NEK9: variants seen among roughly 807,000 people sequenced by gnomAD.
NEK9 encodes the protein NIMA related kinase 9.
A neutral mutation model predicts 123.4 loss-of-function variants in NEK9; 75 were observed. The observed-to-expected ratio is 0.61, with a 90% CI of 0.50 to 0.74. NEK9 has a LOEUF of 0.74. Among genes scored for constraint, NEK9 ranks in the 30% least tolerant of loss-of-function variants. The pLI is 0.00. For missense variants in NEK9, 952 were observed against 1,214.4 expected (o/e 0.78, Z 3.21); for synonymous variants, 438 against 458.7 (o/e 0.95, Z 0.58).
At chr14:75,125,994 A>G (rs1313690236) in intron 1 of NEK9, among the ~76,000 whole-genome samples, 1 of 152,250 alleles carries the variant, frequency 6.6e-6, no homozygotes, top group African/African-American at 2.4e-5. Context: ...AAGGATGTGC[A>G]TATGTGCAAA....
rs1217564897 is a variant in NEK9 at position 75,097,233 on chromosome 14, G to A, written c.2040C>T (p.Gly680=). The change falls in exon 17 of 22, where the codon GGC becomes GGT. Residue 680 remains glycine (G), a synonymous_variant. Coordinates refer to ENST00000238616, the MANE Select transcript of NEK9 (RefSeq NM_033116.6). ...HIFAWGNGGN[G]RLAMTPTERP... is the part of the protein sequence containing the mutation. ...TCTCTGTGGGGGTCATTGCCAGGCG[G>A]CCATTACCACCATTGCCCCAGGCAA... 1 of 1,610,054 alleles carries A rather than the reference G, an allele frequency of 6.2e-7. No homozygotes were observed. The highest frequency in any genetic ancestry group is 8.5e-7 in the Non-Finnish European group (1 of 1,177,736).
intron 6 of NEK9, among the ~76,000 whole-genome samples, chr14:75,115,994 G>A (rs1895130253): frequency 6.6e-6 from 1 of 152,102 alleles, no homozygotes; most frequent in Admixed American, 6.5e-5. Context: ...CACCCACGAT[G>A]TGTTAGGTAT....
Position 75,097,208 on chromosome 14 carries a change from T to A in NEK9, c.2065A>T (p.Arg689Ter), listed in dbSNP as rs1480859335. The change falls in exon 17 of 22, where the codon AGA becomes TGA. Residue 689 changes from arginine (R) to a stop codon, truncating the protein, a stop_gained. Transcript: ENST00000238616. LOFTEE classifies it high-confidence loss of function. ...NGRLAMTPTE[R>*]PHGSDICTSW... ...GTACAGATATCAGAGCCATGTGGTCTCTCTGTGGGGGTCATTGCCAGGCGG... is the reference window on the plus strand; with the variant it reads ...GTACAGATATCAGAGCCATGTGGTCACTCTGTGGGGGTCATTGCCAGGCGG... 6.2e-7 allele frequency: 1 copy of A among 1,613,046 alleles called. No individual in the cohort carries two copies. Among genetic ancestry groups the A allele is most frequent in the East Asian group, 2.2e-5 (1 of 44,870 alleles).
At chr14:75,109,992 T>C in intron 9 of NEK9, 115 bp from the exon 10 acceptor site, 1 of 1,056,144 alleles carries the variant, frequency 9.5e-7, no homozygotes, top group East Asian at 2.5e-5. Flanking sequence ...GAAAGTATGT[T>C]CTTTCTCGAC....
intron 4 of NEK9, 102 bp from the exon 5 acceptor site, chr14:75,119,037 CG>C: frequency 1.4e-6 from 1 of 702,802 alleles, no homozygotes; most frequent in Non-Finnish European, 2.5e-6. Flanking sequence ...GAGTGTGGGC[CG>C]GGTACAGTGG....
At position 75,107,620 on chromosome 14, in the gene NEK9, C is replaced by T. The variant is rs886831232; in HGVS notation, c.1183-133G>A. 5 of 668,380 alleles carry T rather than the reference C, an allele frequency of 7.5e-6. No individual in the cohort carries two copies. The Admixed American group carries it at 1.1e-4, about 15-fold the overall frequency. 41.4% of individuals were successfully genotyped at this position (668,380 alleles called of 1,614,324 possible). ...CTGGGCTCAAGTGATCCTCCTGCCTCGGCTTCCCAAAGTGCTGGGATTGTA... is the reference window on the plus strand; with the variant it reads ...CTGGGCTCAAGTGATCCTCCTGCCTTGGCTTCCCAAAGTGCTGGGATTGTA... On this transcript the variant is annotated intron_variant, in intron 10 of 21. Transcript: ENST00000238616.
intron 12 of NEK9, chr14:75,106,283 C>T (rs1455354889): frequency 1.7e-5 from 9 of 533,370 alleles, no homozygotes; most frequent in Admixed American, 1.4e-4. Flanking sequence ...CACTCGAACT[C>T]GGGAGGTGGT....
intron 8 of NEK9, among the ~76,000 whole-genome samples, chr14:75,112,322 G>A (rs183233302): frequency 1.3e-5 from 2 of 152,330 alleles, no homozygotes; most frequent in African/African-American, 2.4e-5. Context: ...AATATTTAAC[G>A]AAGATAAATG....
intron 21 of NEK9, chr14:75,086,585 G>T (rs1201051310): frequency 6.0e-6 from 1 of 167,422 alleles, no homozygotes; most frequent in East Asian, 1.5e-4. Context: ...AGGCTTCTGG[G>T]ATTATAATTA....
At chr14:75,087,684 A>G (rs1373356139) in intron 20 of NEK9, among the ~76,000 whole-genome samples, 2 of 152,236 alleles carry the variant, frequency 1.3e-5, no homozygotes, top group African/African-American at 4.8e-5. Context: ...TAAGAAGGTG[A>G]ACTGACAGAG....
chr14:75,084,258 T>A lies in NEK9; in HGVS notation c.*306A>T, dbSNP rs1213500608. The A allele has an allele frequency of 3.3e-6, 1 of 303,764 alleles. No homozygotes were observed. The allele number at this position is 303,764 out of a possible 1,614,324, so 18.8% of individuals were successfully genotyped here. Reference sequence around the variant, plus strand: ...CTACCAGCGCAATTAAGGTGAGCACTGTGTCTCCTCTTCAAAGGTGGGATC... The same window carrying A: ...CTACCAGCGCAATTAAGGTGAGCACAGTGTCTCCTCTTCAAAGGTGGGATC... On this transcript the variant is annotated 3_prime_UTR_variant, in exon 22 of 22. Coordinates refer to ENST00000238616, the MANE Select transcript of NEK9 (RefSeq NM_033116.6).
chr14:75,113,191 C>T (rs1251419135), intron 8 of NEK9, 148 bp downstream of exon 8: 1 of 689,638 alleles, frequency 1.5e-6, no homozygotes, highest in African/African-American at 1.8e-5. Flanking sequence ...AGATGCCACC[C>T]CTAAGCAATA....
chr14:75,108,316 G>T (rs1894845400), intron 10 of NEK9, among the ~76,000 whole-genome samples: 1 of 151,884 alleles, frequency 6.6e-6, no homozygotes, highest in Non-Finnish European at 1.5e-5. Flanking sequence ...AGTAAAGATG[G>T]GGTTTTGCCA....
intron 18 of NEK9, among the ~76,000 whole-genome samples, chr14:75,092,801 T>A (rs1406824386): frequency 6.6e-6 from 1 of 152,148 alleles, no homozygotes; most frequent in Non-Finnish European, 1.5e-5. Context: ...TTTTCTTTTT[T>A]TTTTTCTCTT....
intron 14 of NEK9, among the ~76,000 whole-genome samples, chr14:75,102,882 T>A (rs1283062881): frequency 6.6e-6 from 1 of 152,222 alleles, no homozygotes; most frequent in African/African-American, 2.4e-5. Flanking sequence ...GATGAGTTCA[T>A]GTCCTTTGTA....
Position 75,082,802 on chromosome 14 carries a change from T to G in NEK9, c.*1762A>C. On this transcript the variant is annotated 3_prime_UTR_variant, in exon 22 of 22. Transcript: ENST00000238616. Reference sequence around the variant, plus strand: ...AATCGGTCCTCAAGAAAATCAAAGTTGCATTTACATGCTGAACCAAAACCC... The same window carrying G: ...AATCGGTCCTCAAGAAAATCAAAGTGGCATTTACATGCTGAACCAAAACCC... 1 of 396,314 alleles carries G rather than the reference T, an allele frequency of 2.5e-6. No homozygotes were observed. The highest frequency in any genetic ancestry group is 4.4e-6 in the Non-Finnish European group (1 of 225,144). The allele number at this position is 396,314 out of a possible 1,614,324, so 24.5% of individuals were successfully genotyped here.
At position 75,119,831 on chromosome 14, in the gene NEK9, G is replaced by A. The variant is rs183923456; in HGVS notation, c.524+679C>T. ...ACTATGTCTTCCTTTATTGAAAGAT[G>A]CGAATAAACCAGAACAATATACTTT... On this transcript the variant is annotated intron_variant, in intron 4 of 21. Transcript: ENST00000238616. Among the ~76,000 whole-genome samples, 19 of 152,292 alleles carry A rather than the reference G, an allele frequency of 1.2e-4. No individual in the cohort carries two copies. The East Asian group carries it at 3.5e-3, about 28-fold the overall frequency.
chr14:75,087,945 T>C (rs1165453442), intron 20 of NEK9, among the ~76,000 whole-genome samples: 1 of 152,252 alleles, frequency 6.6e-6, no homozygotes, highest in Non-Finnish European at 1.5e-5. Context: ...AGTTGAGTAG[T>C]TGCAAAAGAG....
intron 20 of NEK9, 41 bp from the exon 21 acceptor site, chr14:75,087,271 G>T: frequency 6.6e-7 from 1 of 1,509,544 alleles, no homozygotes; most frequent in Non-Finnish European, 9.1e-7. Flanking sequence ...TTCTGCCCAG[G>T]TGTCATAGCT....
Sources: gnomAD v4.1 joint callset for allele counts (sites outside exome capture counted in the v4.1 genomes callset) on GRCh38, gnomAD v4.1.1 for gene constraint, MANE v1.5 for transcripts, NCBI Gene and HGNC (gene_info 2026-07-23, HGNC 2026-07-21) for gene names.